ROBO2: variants seen among roughly 807,000 people sequenced by gnomAD.
ROBO2 encodes the protein roundabout homolog 2.
A neutral mutation model predicts 160.8 loss-of-function variants in ROBO2; 53 were observed. The ratio of observed to expected loss-of-function variants is 0.33; its 90% CI spans 0.26 to 0.41. The LOEUF is 0.41. Ranked by LOEUF, ROBO2 falls within the 10% of genes least tolerant of loss-of-function variation. The pLI is 1.00. For missense variants in ROBO2, 1,577 were observed against 1,722.4 expected, an observed-to-expected ratio of 0.92 and a Z score of 1.49; for synonymous variants, 664 against 611.7, an observed-to-expected ratio of 1.09 and a Z score of -1.26.
Position 77,479,775 on chromosome 3 carries a change from G to A in ROBO2, c.547-1324G>A, listed in dbSNP as rs563743201. On this transcript the variant is annotated intron_variant, in intron 3 of 25. Coordinates refer to ENST00000461745, the Ensembl canonical transcript of ROBO2. The stretch of plus-strand genomic sequence containing the variant: ...GGTGTGCTGGCAGCTGAATAATCCA[G>A]GATGACCTTACCCACAAGTCTGGCA... 1.3e-4 allele frequency among the ~76,000 whole-genome samples: 20 copies of A among 152,220 alleles called. 1 individual carries two copies. The highest frequency in any genetic ancestry group is 3.6e-4 in the African/African-American group (15 of 41,528).
At chr3:75,972,911 A>G (rs1254286873) in intron 2 of ROBO2, among the ~76,000 whole-genome samples, 2 of 151,616 alleles carry the variant, frequency 1.3e-5, no homozygotes, top group Non-Finnish European at 3.0e-5. Context: ...TGTTCACCCT[A>G]TCTATTAAAG....
At chr3:76,598,878 C>G (rs35102339) in intron 2 of ROBO2, among the ~76,000 whole-genome samples, 1 of 151,804 alleles carries the variant, frequency 6.6e-6, no homozygotes, top group Non-Finnish European at 1.5e-5. Context: ...ATCTACGTAA[C>G]GAAGCAACAG....
In ROBO2 at chr3:76,176,861, A is replaced by G. The variant is rs149673706; in HGVS notation, c.109+239259A>G. On this transcript the variant is annotated intron_variant, in intron 2 of 26. Coordinates refer to the ROBO2 transcript ENST00000487694. ...TATGTGTATGTCATTTCCGTTTTAT[A>G]GTAGAACACTCAAGTGTAGAGAAGT... is the stretch of plus-strand genomic sequence containing the variant. 2.8e-3 allele frequency among the ~76,000 whole-genome samples: 430 copies of G among 152,236 alleles called. 4 individuals are homozygous for G. The highest frequency in any genetic ancestry group is 0.01 in the African/African-American group (420 of 41,552).
chr3:76,226,492 A>G (rs1704294229), intron 2 of ROBO2, among the ~76,000 whole-genome samples: 1 of 152,164 alleles, frequency 6.6e-6, no homozygotes, highest in African/African-American at 2.4e-5. Context: ...TTATCTGAAA[A>G]TCGAGTAAGG....
intron 22 of ROBO2, among the ~76,000 whole-genome samples, chr3:77,620,480 A>G (rs1163044866): frequency 3.3e-5 from 5 of 152,238 alleles, no homozygotes; most frequent in Admixed American, 3.3e-4. Flanking sequence ...GGCAACATTT[A>G]TAGCAAGATG....
At chr3:76,084,484 A>G (rs1194878604) in intron 2 of ROBO2, among the ~76,000 whole-genome samples, 1 of 152,170 alleles carries the variant, frequency 6.6e-6, no homozygotes, top group Non-Finnish European at 1.5e-5. Context: ...TGAGGAACAG[A>G]AAGGATGAGG....
intron 20 of ROBO2, among the ~76,000 whole-genome samples, chr3:77,602,694 G>A (rs879525242): frequency 3.2e-4 from 17 of 53,878 alleles, no homozygotes; most frequent in South Asian, 1.3e-3. Flanking sequence ...CACCACCGCC[G>A]CCGCCACCAC....
At chr3:77,154,864 A>T (rs1445885958) in intron 2 of ROBO2, among the ~76,000 whole-genome samples, 1 of 151,866 alleles carries the variant, frequency 6.6e-6, no homozygotes, top group Non-Finnish European at 1.5e-5. Context: ...GGGGACTTAT[A>T]GATGGGGGAG....
intron 2 of ROBO2, among the ~76,000 whole-genome samples, chr3:77,102,511 C>A (rs980747017): frequency 2.0e-5 from 3 of 152,074 alleles, no homozygotes; most frequent in African/African-American, 7.2e-5. Flanking sequence ...ATATGTAGGA[C>A]ATAAACATGT....
At chr3:77,591,986 A>G (rs2094191979) in intron 17 of ROBO2, among the ~76,000 whole-genome samples, 1 of 152,230 alleles carries the variant, frequency 6.6e-6, no homozygotes, top group African/African-American at 2.4e-5. Context: ...AGTCTGCCCT[A>G]AATCTCATGA....
intron 2 of ROBO2, among the ~76,000 whole-genome samples, chr3:76,313,097 C>T (rs1235890916): frequency 1.3e-5 from 2 of 152,182 alleles, no homozygotes; most frequent in Non-Finnish European, 2.9e-5. Flanking sequence ...GCAATCATAG[C>T]AACATATTTC....
In ROBO2 at chr3:76,169,805, G is replaced by A. The variant is rs539490289; in HGVS notation, c.109+232203G>A. Among the ~76,000 whole-genome samples, 7 of 151,870 alleles carry A rather than the reference G, an allele frequency of 4.6e-5. No homozygotes were observed. The South Asian group carries it at 1.5e-3, about 32-fold the overall frequency. ...TTAAGGATTCTTCTTTTTTTGAGAC[G>A]GAGCCTCACTCTGTCACCCAGGCTG... On this transcript the variant is annotated intron_variant, in intron 2 of 26. Coordinates refer to the ROBO2 transcript ENST00000487694.
At chr3:77,056,645 G>A (rs534575929) in intron 1 of ROBO2, among the ~76,000 whole-genome samples, 1 of 152,164 alleles carries the variant, frequency 6.6e-6, no homozygotes, top group African/African-American at 2.4e-5. Flanking sequence ...TAAATCCACA[G>A]ATAACTCAAA....
intron 2 of ROBO2, among the ~76,000 whole-genome samples, chr3:75,998,863 A>C (rs1470139651): frequency 6.6e-6 from 1 of 152,222 alleles, no homozygotes. Flanking sequence ...TCATTTGTAA[A>C]ATTGTTAAAT....
chr3:76,554,706 A>G (rs1177751266), intron 2 of ROBO2, among the ~76,000 whole-genome samples: 1 of 152,102 alleles, frequency 6.6e-6, no homozygotes, highest in African/African-American at 2.4e-5. Flanking sequence ...AACTGCTTCT[A>G]TATAATGAGA....
intron 2 of ROBO2, among the ~76,000 whole-genome samples, chr3:77,272,770 C>A (rs1187683582): frequency 6.6e-6 from 1 of 151,850 alleles, no homozygotes; most frequent in Admixed American, 6.6e-5. Context: ...TTGTAAAAAC[C>A]TTTATCTGTT....
At chr3:76,828,481 A>G (rs1333662741) in intron 2 of ROBO2, among the ~76,000 whole-genome samples, 2 of 152,176 alleles carry the variant, frequency 1.3e-5, no homozygotes, top group Non-Finnish European at 2.9e-5. Flanking sequence ...ATTGTACAGT[A>G]TGGAAAGAGA....
intron 13 of ROBO2, among the ~76,000 whole-genome samples, chr3:77,571,298 G>C (rs2093631466): frequency 6.6e-6 from 1 of 152,010 alleles, no homozygotes; most frequent in South Asian, 2.1e-4. Context: ...AATGGAAAAG[G>C]TAAATATGAA....
intron 2 of ROBO2, among the ~76,000 whole-genome samples, chr3:76,084,313 GTCTTT>G (rs1455130717): frequency 6.6e-6 from 1 of 152,082 alleles, no homozygotes; most frequent in Non-Finnish European, 1.5e-5. Flanking sequence ...GAGTTGCTTA[GTCTTT>G]TCTTCTCCAC....
Sources: gnomAD v4.1 joint callset for allele counts (sites outside exome capture counted in the v4.1 genomes callset) on GRCh38, gnomAD v4.1.1 for gene constraint, MANE v1.5 for transcripts, NCBI Gene and HGNC (gene_info 2026-07-23, HGNC 2026-07-21) for gene names.